Variants in ENPP1 observed in about 807,000 individuals in gnomAD.
ENPP1 encodes ectonucleotide pyrophosphatase/phosphodiesterase 1.
ENPP1 carries 73 observed loss-of-function variants against 122.8 expected under a neutral mutation model. The observed-to-expected ratio is 0.59, with a 90% CI of 0.49 to 0.72. The LOEUF is 0.72. Among genes scored for constraint, ENPP1 ranks in the 30% least tolerant of loss-of-function variants. ENPP1 has a pLI of 0.00. For synonymous variants in ENPP1, 367 were observed against 391.6 expected (o/e 0.94, Z 0.74); for missense variants, 978 against 1,128.1 (o/e 0.87, Z 1.91).
chr6:131,817,051 A>G (rs1201573827), intron 1 of ENPP1, among the ~76,000 whole-genome samples: 4 of 152,230 alleles, frequency 2.6e-5, no homozygotes, highest in Non-Finnish European at 2.9e-5. Flanking sequence ...CTCACTTTTT[A>G]ACAAGCACCT....
chr6:131,839,492 G>C (rs1781714652), intron 1 of ENPP1, among the ~76,000 whole-genome samples: 1 of 152,236 alleles, frequency 6.6e-6, no homozygotes, highest in South Asian at 2.1e-4. Context: ...GGAGCTTACT[G>C]TTATGCTGAG....
Position 131,890,378 on chromosome 6 carries a change from T to C in ENPP1, c.2645T>C (p.Leu882Ser). 1 of 1,614,052 alleles carries C rather than the reference T, an allele frequency of 6.2e-7. No homozygotes were observed. Among genetic ancestry groups the C allele is most frequent in the East Asian group, 2.2e-5 (1 of 44,882 alleles). The change falls in exon 25 of 25, where the codon TTA (leucine) becomes TCA (serine). Residue 882 changes from leucine to serine, a missense_variant. Leu to Ser is a moderately radical substitution (Grantham distance 145). This residue lies in a region of ENPP1 where 644 missense variants were observed against 781.5 expected (regional missense o/e 0.82). Coordinates refer to ENST00000647893, the MANE Select transcript of ENPP1 (RefSeq NM_006208.3). ...GACTCCTCATGGGTTGAAGAATTGT[T>C]AATGTTACACAGAGCACGGATCACA... The part of the protein sequence containing the change: ...KHDSSWVEEL[L>S]MLHRARITDV...
chr6:131,858,734 A>G lies in ENPP1; in HGVS notation c.782A>G (p.Tyr261Cys). The change falls in exon 7 of 25, where the codon TAC (tyrosine) becomes TGC (cysteine). Residue 261 changes from tyrosine (Y) to cysteine (C), a missense_variant. Transcript: ENST00000647893. ...VYPTKTFPNH[Y>C]SIVTGLYPES... ...CCAACAAAAACTTTCCCCAATCACT[A>G]CAGCATTGTCACCGTAAGCTCTGCA... The G allele has an allele frequency of 6.2e-7, 1 of 1,608,588 alleles. No individual in the cohort carries two copies.
chr6:131,825,482 C>G (rs910903016), intron 1 of ENPP1, among the ~76,000 whole-genome samples: 3 of 152,180 alleles, frequency 2.0e-5, no homozygotes, highest in Non-Finnish European at 4.4e-5. Context: ...CTTGCCACAT[C>G]CGTAGTGCTA....
At chr6:131,818,896 T>A (rs1781450582) in intron 1 of ENPP1, among the ~76,000 whole-genome samples, 1 of 152,226 alleles carries the variant, frequency 6.6e-6, no homozygotes, top group African/African-American at 2.4e-5. Context: ...ACTTATTTAT[T>A]TGACATATTT....
chr6:131,850,061 CTTGG>C lies in ENPP1; in HGVS notation c.386_389del (p.Leu129GlnfsTer5), dbSNP rs768420003. The C allele has an allele frequency of 1.2e-6, 2 of 1,613,760 alleles. No individual in the cohort carries two copies. Among genetic ancestry groups the C allele is most frequent in the African/African-American group, 2.7e-5 (2 of 74,898 alleles). On this transcript the variant is annotated frameshift_variant, in exon 3 of 25. Coordinates refer to ENST00000647893, the MANE Select transcript of ENPP1 (RefSeq NM_006208.3). LOFTEE classifies it high-confidence loss of function. ...TCGCTGTGATGCTGCCTGTGTTGAGCTTGGAAACTGCTGTTTAGATTACCAGGAG... is the reference window on the plus strand; with the variant it reads ...TCGCTGTGATGCTGCCTGTGTTGAGCAAACTGCTGTTTAGATTACCAGGAG...
chr6:131,852,289 T>C, intron 5 of ENPP1, 54 bp downstream of exon 5: 2 of 1,045,906 alleles, frequency 1.9e-6, no homozygotes, highest in East Asian at 4.8e-5. Context: ...TACAGCATCA[T>C]TTTTTTCTTT....
chr6:131,875,626 A>C (rs771045675), intron 16 of ENPP1, 150 bp from the exon 17 acceptor site: 1 of 682,190 alleles, frequency 1.5e-6, no homozygotes, highest in Non-Finnish European at 2.7e-6. Flanking sequence ...GGTTAAAACT[A>C]TATTTCCCAC....
Position 131,813,786 on chromosome 6 carries a change from TCA to T in ENPP1, c.240+5512_240+5513del, listed in dbSNP as rs553619436. Among the ~76,000 whole-genome samples, 310 of 152,156 alleles carry T rather than the reference TCA, an allele frequency of 2.0e-3. 1 individual carries two copies. The highest frequency in any genetic ancestry group is 3.4e-3 in the Non-Finnish European group (232 of 68,036). Reference sequence around the variant, plus strand: ...CTCTCTTCCTATTTTGACTGAGAGCTCAGTTTTTGAGGTTTCTCTGGGGTTTC... The same window carrying T: ...CTCTCTTCCTATTTTGACTGAGAGCTGTTTTTGAGGTTTCTCTGGGGTTTC... On this transcript the variant is annotated intron_variant, in intron 1 of 24. Transcript: ENST00000647893.
chr6:131,834,038 C>A (rs1435987077), intron 1 of ENPP1, among the ~76,000 whole-genome samples: 2 of 152,190 alleles, frequency 1.3e-5, no homozygotes, highest in Non-Finnish European at 2.9e-5. Context: ...TCTCAAGATA[C>A]AATGACGGTC....
At position 131,886,921 on chromosome 6, in the gene ENPP1, T is replaced by TTTCA. The variant is rs10692758; in HGVS notation, c.2607+199_2607+200insCATT. On this transcript the variant is annotated intron_variant, in intron 24 of 24. Coordinates refer to ENST00000647893, the MANE Select transcript of ENPP1 (RefSeq NM_006208.3). ...AAGACTACCCTTGTCTGCTTTTACT[T>TTTCA]TTTTCTTTTTTTTTTTTTTTTTTTT... Among the ~76,000 whole-genome samples the TTTCA allele has an allele frequency of 0.058, 6,247 of 108,004 alleles. 184 individuals are homozygous for TTTCA. Among genetic ancestry groups the TTTCA allele is most frequent in the African/African-American group, 0.11 (3,243 of 29,380 alleles). The allele number at this position is 108,004 out of a possible 152,430, so 70.9% of individuals were successfully genotyped here. A position where few individuals can be genotyped will look rare whatever the true frequency, so the allele number is the denominator to read the frequency against.
chr6:131,866,266 G>A (rs561858362), intron 11 of ENPP1, among the ~76,000 whole-genome samples: 61 of 152,128 alleles, frequency 4.0e-4, no homozygotes, highest in African/African-American at 1.4e-3. Flanking sequence ...ATTTTCTAGG[G>A]CTTCACTCCC....
chr6:131,854,821 A>C (rs896994994), intron 5 of ENPP1, 105 bp from the exon 6 acceptor site: 2 of 794,802 alleles, frequency 2.5e-6, no homozygotes, highest in Non-Finnish European at 2.2e-6. Flanking sequence ...CACAGACCTT[A>C]GTGGAAAATC....
At chr6:131,883,888 T>G in intron 22 of ENPP1, 114 bp downstream of exon 22, 1 of 642,918 alleles carries the variant, frequency 1.6e-6, no homozygotes. Context: ...ACCAAATACA[T>G]TCTTAAAGGT....
chr6:131,880,642 C>T (rs1056367922), intron 20 of ENPP1, among the ~76,000 whole-genome samples: 1 of 151,914 alleles, frequency 6.6e-6, no homozygotes, highest in Non-Finnish European at 1.5e-5. Context: ...TTTATGATTC[C>T]AATTTATAAT....
At chr6:131,828,657 G>T (rs1036318724) in intron 1 of ENPP1, among the ~76,000 whole-genome samples, 1 of 152,140 alleles carries the variant, frequency 6.6e-6, no homozygotes, top group Non-Finnish European at 1.5e-5. Flanking sequence ...AAACACGGGG[G>T]TTTCAGTACC....
intron 1 of ENPP1, among the ~76,000 whole-genome samples, chr6:131,815,652 C>T (rs182416043): frequency 6.6e-6 from 1 of 151,842 alleles, no homozygotes; most frequent in African/African-American, 2.4e-5. Flanking sequence ...TAATAAAGAA[C>T]TGGGGGCCAT....
chr6:131,813,529 C>CA (rs112662261), intron 1 of ENPP1, among the ~76,000 whole-genome samples: 14,691 of 128,626 alleles, frequency 0.11, 787 homozygotes, highest in South Asian at 0.23. Flanking sequence ...GACTCTGTCT[C>CA]AAAAAAAAAA....
chr6:131,851,935 C>G (rs1252942009), intron 4 of ENPP1, among the ~76,000 whole-genome samples: 1 of 152,040 alleles, frequency 6.6e-6, no homozygotes, highest in Admixed American at 6.6e-5. Flanking sequence ...CTCACAAATA[C>G]AGTAGTATGT....
Sources: gnomAD v4.1 joint callset for allele counts (sites outside exome capture counted in the v4.1 genomes callset) on GRCh38, gnomAD v4.1.1 for gene constraint, gnomAD v4.1.1 regional missense constraint, MANE v1.5 for transcripts, NCBI Gene and HGNC (gene_info 2026-07-23, HGNC 2026-07-21) for gene names.